The following PTPRT variants were observed in gnomAD, a reference collection of about 807,000 sequenced individuals.
PTPRT encodes receptor-type tyrosine-protein phosphatase T.
A neutral mutation model predicts 176.8 loss-of-function variants in PTPRT; 56 were observed. The observed-to-expected ratio is 0.32, with a 90% confidence interval of 0.26 to 0.40. PTPRT has a LOEUF of 0.40. PTPRT is among the 10% of genes least tolerant of loss of function. The probability of loss-of-function intolerance (pLI) is 1.00; values close to 1 mark genes in which losing one functional copy is unlikely to be tolerated. For synonymous variants in PTPRT, 783 were observed against 739.0 expected (o/e 1.06, Z -0.96); for missense variants, 1,540 against 1,908.2 (o/e 0.81, Z 3.60).
At chr20:42,779,983 A>G (rs1349893209) in intron 4 of PTPRT, among the ~76,000 whole-genome samples, 2 of 152,138 alleles carry the variant, frequency 1.3e-5, no homozygotes, top group Non-Finnish European at 2.9e-5. Flanking sequence ...ATTCAAACAA[A>G]GATGTTTTGC....
At chr20:42,769,818 C>T (rs1439673480) in intron 5 of PTPRT, among the ~76,000 whole-genome samples, 1 of 152,182 alleles carries the variant, frequency 6.6e-6, no homozygotes, top group Non-Finnish European at 1.5e-5. Flanking sequence ...CTGTTACACA[C>T]AACAACATAA....
chr20:42,507,530 G>T (rs142475745), intron 7 of PTPRT, among the ~76,000 whole-genome samples: 5 of 152,234 alleles, frequency 3.3e-5, no homozygotes, highest in African/African-American at 1.2e-4. Context: ...GCATCTCTGA[G>T]CCCCAGTCTT....
chr20:42,213,084 G>A (rs1005756706), intron 15 of PTPRT, among the ~76,000 whole-genome samples: 1 of 152,304 alleles, frequency 6.6e-6, no homozygotes, highest in South Asian at 2.1e-4. Context: ...TGTTCTCCAA[G>A]TGTGGTTTCC....
intron 1 of PTPRT, among the ~76,000 whole-genome samples, chr20:42,944,174 C>G (rs1201596865): frequency 3.3e-5 from 5 of 152,172 alleles, no homozygotes; most frequent in Admixed American, 1.3e-4. Context: ...ATGAAGACTT[C>G]TGAGAAACAC....
intron 2 of PTPRT, among the ~76,000 whole-genome samples, chr20:42,866,567 G>T (rs1360642345): frequency 6.6e-6 from 1 of 152,056 alleles, no homozygotes; most frequent in African/African-American, 2.4e-5. Flanking sequence ...CTTTCACACT[G>T]GCCAACAAGT....
intron 30 of PTPRT, 36 bp from the exon 31 acceptor site, chr20:42,080,968 A>C (rs1428215858): frequency 1.3e-5 from 19 of 1,498,194 alleles, no homozygotes; most frequent in Non-Finnish European, 1.8e-5. Context: ...AGAGAGGGAG[A>C]AGAGGAGACG....
chr20:42,126,473 T>A (rs987951275), intron 19 of PTPRT, among the ~76,000 whole-genome samples: 3 of 152,218 alleles, frequency 2.0e-5, no homozygotes, highest in African/African-American at 7.2e-5. Context: ...GTGATACTAG[T>A]TAAGGTGATG....
At chr20:42,182,845 C>T (rs529998225) in intron 16 of PTPRT, among the ~76,000 whole-genome samples, 4 of 151,740 alleles carry the variant, frequency 2.6e-5, no homozygotes, top group South Asian at 4.2e-4. Context: ...TCTACCATTG[C>T]TTCATTACAG....
chr20:42,054,361 C>G, the PTPRT span, among the ~76,000 whole-genome samples: 1 of 152,134 alleles, frequency 6.6e-6, no homozygotes, highest in Non-Finnish European at 1.5e-5. Context: ...AGAATGAATC[C>G]AAGCTTCTAA....
chr20:43,029,101 T>C (rs967613946), intron 1 of PTPRT, among the ~76,000 whole-genome samples: 1 of 152,134 alleles, frequency 6.6e-6, no homozygotes, highest in Non-Finnish European at 1.5e-5. Flanking sequence ...CTCCTAACCA[T>C]GAGATCTATC....
intron 2 of PTPRT, among the ~76,000 whole-genome samples, chr20:42,847,563 T>A (rs1474961158): frequency 6.6e-6 from 1 of 152,162 alleles, no homozygotes; most frequent in Non-Finnish European, 1.5e-5. Context: ...TGTTGCTCCA[T>A]CCATGGGCAT....
the PTPRT span, among the ~76,000 whole-genome samples, chr20:42,054,468 TCA>T: frequency 0.01 from 1,536 of 152,314 alleles, 31 homozygotes; most frequent in African/African-American, 0.035. Flanking sequence ...AAGGTTAAAC[TCA>T]CAGAATGTCA....
intron 27 of PTPRT, among the ~76,000 whole-genome samples, chr20:42,086,501 G>C (rs1983923645): frequency 6.6e-6 from 1 of 151,752 alleles, no homozygotes; most frequent in Admixed American, 6.6e-5. Context: ...CCGCTGTCAG[G>C]ATTAGATAGA....
chr20:43,038,439 TA>T (rs1319362307), intron 1 of PTPRT, among the ~76,000 whole-genome samples: 1 of 152,208 alleles, frequency 6.6e-6, no homozygotes, highest in Non-Finnish European at 1.5e-5. Flanking sequence ...TCGTTCCTGA[TA>T]TAAAAATAAC....
At chr20:42,562,851 A>G (rs562358666) in intron 7 of PTPRT, among the ~76,000 whole-genome samples, 2 of 152,282 alleles carry the variant, frequency 1.3e-5, no homozygotes, top group East Asian at 3.9e-4. Flanking sequence ...TTCTCCTTCT[A>G]TCTTCCTGGC....
chr20:43,173,702 A>G (rs984623239), intron 1 of PTPRT, among the ~76,000 whole-genome samples: 4 of 152,194 alleles, frequency 2.6e-5, no homozygotes, highest in Non-Finnish European at 4.4e-5. Context: ...GTGTGAAATC[A>G]GGGGCAGCTA....
In PTPRT at chr20:42,505,048, C is replaced by T. The variant is rs145946163; in HGVS notation, c.1154-32486G>A. 7.4e-3 allele frequency among the ~76,000 whole-genome samples: 1,121 copies of T among 151,906 alleles called. 10 individuals carry two copies. Among genetic ancestry groups the T allele is most frequent in the African/African-American group, 0.026 (1,060 of 41,290 alleles). On this transcript the variant is annotated intron_variant, in intron 7 of 30. Transcript: ENST00000373187. The stretch of plus-strand genomic sequence containing the variant: ...ATGGAATTCAAATCCCAATGACCCC[C>T]TATAAAAAAGGCACTTTCAAGTTTC...
the PTPRT span, among the ~76,000 whole-genome samples, chr20:42,039,826 C>T: frequency 1.3e-5 from 2 of 151,544 alleles, no homozygotes; most frequent in East Asian, 3.9e-4. Flanking sequence ...TATATATACA[C>T]AATGTTTATT....
At chr20:43,186,526 G>A (rs961737477) in intron 1 of PTPRT, among the ~76,000 whole-genome samples, 1 of 152,220 alleles carries the variant, frequency 6.6e-6, no homozygotes, top group Non-Finnish European at 1.5e-5. Context: ...TCTGATCGTG[G>A]CTGTGAAAGG....
Sources: gnomAD v4.1 joint callset for allele counts (sites outside exome capture counted in the v4.1 genomes callset) on GRCh38, gnomAD v4.1.1 for gene constraint, MANE v1.5 for transcripts, NCBI Gene and HGNC (gene_info 2026-07-23, HGNC 2026-07-21) for gene names.